SEMA5B: variants seen among roughly 807,000 people sequenced by gnomAD.
SEMA5B encodes the protein semaphorin 5B, also known as semaphorin-5B.
A neutral mutation model predicts 135.0 loss-of-function variants in SEMA5B; 66 were observed. The observed-to-expected ratio is 0.49, with a 90% CI of 0.40 to 0.60. SEMA5B has a LOEUF of 0.60. SEMA5B is among the 20% of genes least tolerant of loss of function. The pLI is 0.00. For missense variants in SEMA5B, 1,501 were observed against 1,566.3 expected (o/e 0.96, Z 0.70); for synonymous variants, 690 against 639.5 (o/e 1.08, Z -1.19).
intron 1 of SEMA5B, among the ~76,000 whole-genome samples, chr3:123,014,937 G>A (rs941926839): frequency 2.0e-5 from 3 of 152,136 alleles, no homozygotes; most frequent in African/African-American, 2.4e-5. Flanking sequence ...TGGAGGGTGG[G>A]CCCCAACCCA....
intron 1 of SEMA5B, among the ~76,000 whole-genome samples, chr3:123,025,654 A>C (rs1293620480): frequency 1.3e-5 from 2 of 151,834 alleles, no homozygotes; most frequent in Non-Finnish European, 2.9e-5. Context: ...TGGAGAAAAG[A>C]GCTCCCCCTG....
chr3:122,928,901 A>T, intron 6 of SEMA5B, 95 bp downstream of exon 6: 3 of 1,261,146 alleles, frequency 2.4e-6, no homozygotes, highest in Non-Finnish European at 1.1e-6. Context: ...CCTCTCTAGC[A>T]GGGGACCTCA....
At chr3:122,951,503 A>G (rs1421492429) in intron 2 of SEMA5B, among the ~76,000 whole-genome samples, 1 of 152,186 alleles carries the variant, frequency 6.6e-6, no homozygotes, top group Non-Finnish European at 1.5e-5. Flanking sequence ...GAAAAGCCCT[A>G]ACATTTGTCT....
At chr3:122,923,860 T>C (rs1251595640) in intron 9 of SEMA5B, 108 bp from the exon 10 acceptor site, 2 of 1,269,320 alleles carry the variant, frequency 1.6e-6, no homozygotes. Context: ...TCTGTAAGCA[T>C]CTATGATGTG....
chr3:122,933,912 A>C (rs1276431849), intron 5 of SEMA5B, among the ~76,000 whole-genome samples: 1 of 150,292 alleles, frequency 6.7e-6, no homozygotes, highest in Non-Finnish European at 1.5e-5. Context: ...CATTAATTGA[A>C]TTTTTTTTTC....
At chr3:123,003,233 A>T (rs1942226041) in intron 1 of SEMA5B, among the ~76,000 whole-genome samples, 1 of 152,170 alleles carries the variant, frequency 6.6e-6, no homozygotes, top group African/African-American at 2.4e-5. Context: ...CAAAACATAA[A>T]ACCACCTTTG....
At position 122,983,302 on chromosome 3, in the gene SEMA5B, A is replaced by G. The variant is rs180803307; in HGVS notation, c.-38-22001T>C. On this transcript the variant is annotated intron_variant, in intron 1 of 22. Transcript: ENST00000357599. Reference sequence around the variant, plus strand: ...TGTTTCATTTTTTTTCTCTGTCCTCATGTCACTTATTTCTAGTATTCTAAA... The same window carrying G: ...TGTTTCATTTTTTTTCTCTGTCCTCGTGTCACTTATTTCTAGTATTCTAAA... 1.8e-3 allele frequency among the ~76,000 whole-genome samples: 272 copies of G among 151,840 alleles called. 1 individual carries two copies. Among genetic ancestry groups the G allele is most frequent in the African/African-American group, 6.3e-3 (259 of 41,350 alleles).
chr3:122,959,352 C>G (rs774194054), intron 2 of SEMA5B, among the ~76,000 whole-genome samples: 9 of 152,190 alleles, frequency 5.9e-5, no homozygotes, highest in Admixed American at 5.9e-4. Flanking sequence ...CAGTCGGGCT[C>G]AGGAGTCTGC....
intron 1 of SEMA5B, among the ~76,000 whole-genome samples, chr3:123,006,335 C>T (rs1576405152): frequency 1.3e-5 from 2 of 152,288 alleles, no homozygotes; most frequent in Middle Eastern, 6.8e-3. Flanking sequence ...TCCTTCCTTT[C>T]CTGTCACCCT....
chr3:122,997,023 G>A (rs957345527), intron 1 of SEMA5B, among the ~76,000 whole-genome samples: 6 of 152,136 alleles, frequency 3.9e-5, no homozygotes, highest in Non-Finnish European at 8.8e-5. Context: ...GGGAAGCCCC[G>A]AAAAGGCTCT....
intron 1 of SEMA5B, among the ~76,000 whole-genome samples, chr3:122,982,614 C>T (rs1941553752): frequency 6.6e-6 from 1 of 152,154 alleles, no homozygotes; most frequent in Non-Finnish European, 1.5e-5. Context: ...CCCCAGCCCT[C>T]CTCCTGTTTC....
intron 1 of SEMA5B, among the ~76,000 whole-genome samples, chr3:122,966,658 C>T (rs1227614839): frequency 1.3e-5 from 2 of 150,014 alleles, no homozygotes; most frequent in African/African-American, 2.4e-5. Flanking sequence ...GGGTTCACGC[C>T]ATTCTCCTGC....
At chr3:122,935,933 T>A (rs941621560) in intron 5 of SEMA5B, among the ~76,000 whole-genome samples, 31 of 152,112 alleles carry the variant, frequency 2.0e-4, no homozygotes, top group African/African-American at 7.5e-4. Flanking sequence ...CCTCAGGTGA[T>A]CCGCCTGCCT....
At chr3:122,956,318 C>T (rs1187941435) in intron 2 of SEMA5B, among the ~76,000 whole-genome samples, 8 of 152,220 alleles carry the variant, frequency 5.3e-5, no homozygotes, top group Non-Finnish European at 1.2e-4. Flanking sequence ...TGTGAATGCA[C>T]GCGCATGTGT....
At chr3:123,020,953 G>GA (rs759615703) in intron 1 of SEMA5B, among the ~76,000 whole-genome samples, 9 of 152,234 alleles carry the variant, frequency 5.9e-5, no homozygotes, top group Non-Finnish European at 1.2e-4. Context: ...GAGAGCTGTT[G>GA]AAAGGGAGCA....
chr3:122,926,253 G>T, intron 9 of SEMA5B, 139 bp downstream of exon 9: 1 of 801,908 alleles, frequency 1.2e-6, no homozygotes, highest in Non-Finnish European at 2.0e-6. Flanking sequence ...CGCTCCAGAA[G>T]CAGTAAGTCA....
At chr3:122,980,047 T>C (rs1420360537) in intron 1 of SEMA5B, among the ~76,000 whole-genome samples, 5 of 152,264 alleles carry the variant, frequency 3.3e-5, no homozygotes, top group East Asian at 1.9e-4. Flanking sequence ...ACTCTGCTAC[T>C]GACATCCCCC....
intron 1 of SEMA5B, among the ~76,000 whole-genome samples, chr3:123,011,362 T>C (rs1942434841): frequency 6.6e-6 from 1 of 152,208 alleles, no homozygotes; most frequent in Non-Finnish European, 1.5e-5. Flanking sequence ...AGCCTCTGTG[T>C]CACACCTGAG....
intron 1 of SEMA5B, among the ~76,000 whole-genome samples, chr3:122,989,214 T>G (rs1358687616): frequency 2.6e-5 from 4 of 152,228 alleles, no homozygotes; most frequent in Non-Finnish European, 5.9e-5. Context: ...TGTCCACAGA[T>G]GGCCCCTTGT....
Sources: gnomAD v4.1 joint callset for allele counts (sites outside exome capture counted in the v4.1 genomes callset) on GRCh38, gnomAD v4.1.1 for gene constraint, MANE v1.5 for transcripts, NCBI Gene and HGNC (gene_info 2026-07-23, HGNC 2026-07-21) for gene names.